PTCH1: variants seen among roughly 807,000 people sequenced by gnomAD.
PTCH1 encodes the protein patched 1, also known as protein patched homolog 1.
In PTCH1, 14 loss-of-function variants were observed where a neutral mutation model predicts 144.6. That is an observed-to-expected ratio of 0.10 (90% CI 0.06 to 0.15). The LOEUF is 0.15. Among genes scored for constraint, PTCH1 ranks in the 10% least tolerant of loss-of-function variants. The pLI, the probability that PTCH1 is intolerant of heterozygous loss-of-function variation, is 1.00. For synonymous variants in PTCH1, 833 were observed against 793.6 expected, an observed-to-expected ratio of 1.05 and a Z score of -0.83; for missense variants, 1,623 against 1,948.3, an observed-to-expected ratio of 0.83 and a Z score of 3.14.
rs2118876372 is a variant in PTCH1 at position 95,506,474 on chromosome 9, A to G, written c.327T>C (p.Phe109=). ...CTTTTAATCCCACCGCGAAGGCCCC[A>G]AATATGAGGAGGCCCACAACCAAGA... ...GKFLVVGLLI[F]GAFAVGLKAA... Residue 109 remains phenylalanine, a synonymous_variant, in exon 2 of 24, where the codon TTT becomes TTC. Coordinates refer to ENST00000331920, the MANE Select transcript of PTCH1 (RefSeq NM_000264.5). 6.2e-7 allele frequency: 1 copy of G among 1,613,512 alleles called. No homozygotes were observed. The highest frequency in any genetic ancestry group is 1.7e-4 in the Middle Eastern group (1 of 5,988).
chr9:95,499,553 G>A (rs1018896040), intron 2 of PTCH1, among the ~76,000 whole-genome samples: 33 of 151,778 alleles, frequency 2.2e-4, no homozygotes, highest in Non-Finnish European at 2.9e-4. Flanking sequence ...GGGAGCCAGC[G>A]AGGGGCACAG....
At chr9:95,448,966 G>A in intron 22 of PTCH1, 103 bp downstream of exon 22, 1 of 1,500,562 alleles carries the variant, frequency 6.7e-7, no homozygotes, top group Non-Finnish European at 9.2e-7. Flanking sequence ...CATCCCATCT[G>A]CCTGTGTGAT....
At chr9:95,479,265 G>A (rs1841345189) in intron 7 of PTCH1, 118 bp from the exon 8 acceptor site, 27 of 1,298,548 alleles carry the variant, frequency 2.1e-5, no homozygotes, top group Non-Finnish European at 3.0e-5. Context: ...CCTTCTCTGT[G>A]AGCACATGTT....
At chr9:95,485,266 T>C (rs1841876986) in intron 3 of PTCH1, among the ~76,000 whole-genome samples, 1 of 152,202 alleles carries the variant, frequency 6.6e-6, no homozygotes, top group Admixed American at 6.5e-5. Flanking sequence ...CCCAACGTGC[T>C]GTGTGACACA....
chr9:95,467,245 C>G lies in PTCH1; in HGVS notation c.2431G>C (p.Asp811His), dbSNP rs2117959297. Residue 811 changes from aspartate (D) to histidine (H), a missense_variant, in exon 15 of 24, where the codon GAC becomes CAC. This residue lies in a region of PTCH1 where 504 missense variants were observed against 679.3 expected (regional missense o/e 0.74). Coordinates refer to ENST00000331920, the MANE Select transcript of PTCH1 (RefSeq NM_000264.5). ...AGTAAGTGCTGGATATTCGGGTAGT[C>G]TGCTTTCTGGGTGACTATATACATG... ...YNMYIVTQKA[D>H]YPNIQHLLYD... The G allele has an allele frequency of 6.2e-7, 1 of 1,614,190 alleles. No homozygotes were observed. The highest frequency in any genetic ancestry group is 8.5e-7 in the Non-Finnish European group (1 of 1,180,028).
Position 95,447,264 on chromosome 9 carries a change from G to A in PTCH1, c.3992C>T (p.Ser1331Phe), listed in dbSNP as rs150373546. ...CCAGCGGGCCCTATTGCTAGGGCCA[G>A]AATGCCCTTCAGTAGAAATTTCAAA... Reference protein sequence around the residue: ...DAFEISTEGHSGPSNRARWGP... With the variant: ...DAFEISTEGHFGPSNRARWGP... Residue 1331 changes from serine (S) to phenylalanine (F), a missense_variant, in exon 23 of 24, where the codon TCT becomes TTT. By Grantham distance (155) the Ser-to-Phe change is radical. This residue lies in a region of PTCH1 where 291 missense variants were observed against 287.4 expected (regional missense o/e 1.01). Coordinates refer to ENST00000331920, the MANE Select transcript of PTCH1 (RefSeq NM_000264.5). 2.1e-5 allele frequency: 34 copies of A among 1,612,928 alleles called. No individual in the cohort carries two copies. The highest frequency in any genetic ancestry group is 2.7e-5 in the Non-Finnish European group (32 of 1,179,962).
upstream of PTCH1, among the ~76,000 whole-genome samples, chr9:95,509,820 C>A (rs1033115135): frequency 6.6e-6 from 1 of 152,104 alleles, no homozygotes; most frequent in Non-Finnish European, 1.5e-5. Context: ...CCAGTGTGTG[C>A]CAGATTTTTT....
chr9:95,516,658 C>G lies in PTCH1; in HGVS notation c.-187G>C, dbSNP rs73527759. ...CGGGTCTCTTTGTCTCCCCTGTCGTCTTTTTCTTCTCCTCCGTTTTCTTCT... is the reference window on the plus strand; with the variant it reads ...CGGGTCTCTTTGTCTCCCCTGTCGTGTTTTTCTTCTCCTCCGTTTTCTTCT... On this transcript the variant is annotated 5_prime_UTR_variant, in exon 1 of 23. Transcript: ENST00000430669. 7,986 of 1,611,754 alleles carry G rather than the reference C, an allele frequency of 5.0e-3. 274 individuals carry two copies. The African/African-American group carries it at 0.085, about 17-fold the overall frequency.
intron 2 of PTCH1, among the ~76,000 whole-genome samples, chr9:95,499,908 C>G (rs115560889): frequency 0.022 from 3,389 of 151,974 alleles, 134 homozygotes; most frequent in African/African-American, 0.078. Flanking sequence ...CCAATTGTGA[C>G]TCTCCCCTAC....
chr9:95,483,491 T>G (rs575616965), intron 3 of PTCH1: 1 of 151,732 alleles, frequency 6.6e-6, no homozygotes, highest in African/African-American at 2.4e-5. Flanking sequence ...AAGGGAGGCC[T>G]GTCTTCACCC....
Position 95,508,141 on chromosome 9 carries a change from GGA to G in PTCH1, c.201+18_201+19del, listed in dbSNP as rs758866712. ...TTAGAGGAGGGAAGAGAAAGTGGGA[GGA>G]GAGAGTCTGAAATGCACCTTGGAAA... is the stretch of plus-strand genomic sequence containing the variant. On this transcript the variant is annotated intron_variant, in intron 1 of 23. Transcript: ENST00000331920. 2 of 1,612,226 alleles carry G rather than the reference GGA, an allele frequency of 1.2e-6. No homozygotes were observed. The highest frequency in any genetic ancestry group is 1.1e-5 in the South Asian group (1 of 91,012).
In PTCH1 at chr9:95,475,961, G is replaced by A; in HGVS notation, c.1728+73C>T. 3.1e-6 allele frequency: 5 copies of A among 1,605,884 alleles called. No homozygotes were observed. In the South Asian group the frequency reaches 5.5e-5, roughly 18 times the overall value. ...TAAGTAACTGAAGTGCCTTAGCAGA[G>A]ACCGCAGACATGGGATGCTGGAAGT... is the stretch of plus-strand genomic sequence containing the variant. On this transcript the variant is annotated intron_variant, in intron 12 of 23. Coordinates refer to ENST00000331920, the MANE Select transcript of PTCH1 (RefSeq NM_000264.5).
Position 95,447,448 on chromosome 9 carries a change from C to A in PTCH1, c.3808G>T (p.Val1270Phe). The A allele has an allele frequency of 6.3e-7, 1 of 1,581,422 alleles. No homozygotes were observed. The highest frequency in any genetic ancestry group is 8.6e-7 in the Non-Finnish European group (1 of 1,166,746). ...ENPVFAHSTV[V>F]HPESRHHPPS... Reference sequence around the variant, plus strand: ...GGGTGATGCCTGGATTCGGGATGGACCACCTGCAGAGGGTGAGGGTGGGTT... The same window carrying A: ...GGGTGATGCCTGGATTCGGGATGGAACACCTGCAGAGGGTGAGGGTGGGTT... Residue 1270 changes from valine (V) to phenylalanine (F), a missense_variant, in exon 23 of 24, where the codon GTC becomes TTC. By Grantham distance (50) the Val-to-Phe change is conservative. This residue lies in a region of PTCH1 where 291 missense variants were observed against 287.4 expected (regional missense o/e 1.01). Coordinates refer to ENST00000331920, the MANE Select transcript of PTCH1 (RefSeq NM_000264.5).
chr9:95,487,291 A>G (rs767478738), intron 2 of PTCH1, among the ~76,000 whole-genome samples: 6 of 152,204 alleles, frequency 3.9e-5, no homozygotes, highest in Admixed American at 1.3e-4. Flanking sequence ...AGGGAGGAAT[A>G]TATCAGTTGG....
chr9:95,507,351 C>A (rs1843762772), intron 1 of PTCH1: 2 of 985,382 alleles, frequency 2.0e-6, no homozygotes, highest in Non-Finnish European at 2.4e-6. Context: ...GCAGGCTGCT[C>A]CCCGGCGCGG....
intron 19 of PTCH1, 123 bp downstream of exon 19, chr9:95,456,153 G>GT (rs1838902544): frequency 4.1e-6 from 6 of 1,456,130 alleles, no homozygotes; most frequent in Admixed American, 3.7e-5. Flanking sequence ...GGGGGCCCCT[G>GT]TGCCCTGAGG....
In PTCH1 at chr9:95,468,542, C is replaced by A. The variant is rs190227987; in HGVS notation, c.2250+209G>T. On this transcript the variant is annotated intron_variant, in intron 14 of 23. Coordinates refer to ENST00000331920, the MANE Select transcript of PTCH1 (RefSeq NM_000264.5). The stretch of plus-strand genomic sequence containing the variant: ...ACCTCATTCATAAAAAGACTTGCTG[C>A]ATAGAGGTTCACTCCCATGGAAGAT... Among the ~76,000 whole-genome samples the A allele has an allele frequency of 2.0e-3, 298 of 152,300 alleles. 3 individuals are homozygous for A. The Middle Eastern group carries it at 0.02, about 10-fold the overall frequency.
chr9:95,456,508 C>A, intron 18 of PTCH1, 95 bp from the exon 19 acceptor site: 1 of 1,464,778 alleles, frequency 6.8e-7, no homozygotes. Context: ...GTCCTCGGTT[C>A]AGATCAAAAC....
Position 95,449,753 on chromosome 9 carries a change from A to G in PTCH1, c.3549+88T>C. On this transcript the variant is annotated intron_variant, in intron 21 of 23. Coordinates refer to ENST00000331920, the MANE Select transcript of PTCH1 (RefSeq NM_000264.5). The surrounding 1 kb of genome is among the most constrained non-coding windows in gnomAD (Gnocchi z 5.3). Reference sequence around the variant, plus strand: ...ACTGAAGAACCACCAGCAAGTGGGGAGGCACCTAAGTATCGAAGTGAAGAG... The same window carrying G: ...ACTGAAGAACCACCAGCAAGTGGGGGGGCACCTAAGTATCGAAGTGAAGAG... The G allele has an allele frequency of 8.4e-7, 1 of 1,190,620 alleles. No homozygotes were observed. Among genetic ancestry groups the G allele is most frequent in the Non-Finnish European group, 1.2e-6 (1 of 808,012 alleles). 73.8% of individuals were successfully genotyped at this position (1,190,620 alleles called of 1,614,324 possible).
Sources: allele counts gnomAD v4.1 joint callset (sites outside exome capture counted in the v4.1 genomes callset), GRCh38; gene constraint gnomAD v4.1.1; regional missense constraint gnomAD v4.1.1; non-coding constraint Gnocchi (gnomAD v3.1); transcripts MANE v1.5; gene names NCBI Gene and HGNC (gene_info 2026-07-23, HGNC 2026-07-21).